The following ARL17A variants were observed in gnomAD, a reference collection of about 807,000 sequenced individuals.
ARL17A encodes ARF like GTPase 17A.
the ARL17A span, among the ~76,000 whole-genome samples, chr17:46,502,325 T>A: frequency 6.6e-6 from 1 of 151,198 alleles, no homozygotes. Flanking sequence ...TTTTTGTTTT[T>A]TCGAGGTGGA....
At chr17:46,501,635 CGGCCTTGTAGAAATCCTATTCCATGTTAA>C in the ARL17A span, among the ~76,000 whole-genome samples, 1 of 151,228 alleles carries the variant, frequency 6.6e-6, no homozygotes, top group South Asian at 2.1e-4. Flanking sequence ...ATTCTTTAAG[CGGCCTTGTAGAAATCCTATTCCATGTTAA>C]CATGCCAACC....
At chr17:46,537,155 A>T (rs1196112513) in intron 4 of ARL17A, among the ~76,000 whole-genome samples, 8 of 13,880 alleles carry the variant, frequency 5.8e-4, no homozygotes, top group East Asian at 4.2e-3. Context: ...GAATTTTTGG[A>T]TGTCTCTTTT....
At chr17:46,502,347 G>T in the ARL17A span, among the ~76,000 whole-genome samples, 4 of 151,154 alleles carry the variant, frequency 2.6e-5, no homozygotes, top group Admixed American at 2.6e-4. Context: ...TTTCACTCTT[G>T]TTCCCCAGGC....
chr17:46,541,121 C>T, intron 3 of ARL17A, among the ~76,000 whole-genome samples: 1 of 125,506 alleles, frequency 8.0e-6, no homozygotes, highest in Non-Finnish European at 1.6e-5. Context: ...GCAATCCCAT[C>T]CTCCCACCAT....
At chr17:46,543,895 T>G (rs2055881912) in intron 3 of ARL17A, among the ~76,000 whole-genome samples, 1 of 148,316 alleles carries the variant, frequency 6.7e-6, no homozygotes, top group Non-Finnish European at 1.5e-5. Flanking sequence ...AGAGAGAGGG[T>G]TGCTTGTGCC....
chr17:46,555,592 GC>G lies in ARL17A; in HGVS notation c.*1763del. On this transcript the variant is annotated 3_prime_UTR_variant, in exon 4 of 4. Coordinates refer to ENST00000336125, the MANE Select transcript of ARL17A (RefSeq NM_001113738.2). ...AGCCCTGCCATAGGAGGAGAACACA[GC>G]CCACCTCAGGCCTCCTGCAAAAATA... 1 of 858,844 alleles carries G rather than the reference GC, an allele frequency of 1.2e-6. No homozygotes were observed. 53.2% of individuals were successfully genotyped at this position (858,844 alleles called of 1,614,324 possible). A position where few individuals can be genotyped will look rare whatever the true frequency, so the allele number is the denominator to read the frequency against.
chr17:46,519,709 A>AAAATT (rs1177102639), intron 3 of ARL17A, among the ~76,000 whole-genome samples: 4 of 145,634 alleles, frequency 2.7e-5, no homozygotes, highest in South Asian at 2.2e-4. Flanking sequence ...CCCTGTCTCA[A>AAAATT]AAATTAAATT....
downstream of ARL17A, among the ~76,000 whole-genome samples, chr17:46,516,190 C>A (rs1421319729): frequency 6.7e-6 from 1 of 149,114 alleles, no homozygotes; most frequent in Non-Finnish European, 1.5e-5. Context: ...GGAGTCCCAG[C>A]TACTCGGGAG....
rs969717274 is a variant in ARL17A, at chr17:46,532,330, G to C, written c.336-3471C>G. Among the ~76,000 whole-genome samples the C allele has an allele frequency of 4.7e-5, 7 of 150,370 alleles. 1 individual carries two copies. The highest frequency in any genetic ancestry group is 1.5e-4 in the African/African-American group (6 of 39,940). On this transcript the variant is annotated intron_variant, in intron 4 of 4. Coordinates refer to the ARL17A transcript ENST00000329240. ...CGTTGAATTTGGTTTGCCAGATTTT[G>C]TCAAGCATTTTTCCATCTACATTCA...
At chr17:46,503,078 G>T in the ARL17A span, among the ~76,000 whole-genome samples, 2 of 150,632 alleles carry the variant, frequency 1.3e-5, no homozygotes, top group South Asian at 2.1e-4. Context: ...CGGCAGTGGT[G>T]GGGGGCGCCT....
downstream of ARL17A, chr17:46,548,949 C>T (rs1292775036): frequency 6.2e-7 from 1 of 1,612,436 alleles, no homozygotes; most frequent in Non-Finnish European, 8.5e-7. Context: ...AGGTGAGAGA[C>T]AGATGGAAAG....
intron 3 of ARL17A, among the ~76,000 whole-genome samples, chr17:46,543,663 A>G (rs948234140): frequency 2.0e-5 from 3 of 150,930 alleles, no homozygotes; most frequent in Non-Finnish European, 4.4e-5. Flanking sequence ...CAGAAAATGT[A>G]TAGACATACA....
At chr17:46,541,647 T>C (rs542273643) in intron 3 of ARL17A, among the ~76,000 whole-genome samples, 3 of 150,824 alleles carry the variant, frequency 2.0e-5, no homozygotes, top group East Asian at 1.9e-4. Flanking sequence ...TCCTCATCCA[T>C]AGATTCAACG....
chr17:46,516,311 A>T (rs2051306061), downstream of ARL17A, among the ~76,000 whole-genome samples: 1 of 79,230 alleles, frequency 1.3e-5, no homozygotes, highest in African/African-American at 3.9e-5. Flanking sequence ...TCAAAAAAAA[A>T]AATGATAGGA....
intron 2 of ARL17A, among the ~76,000 whole-genome samples, chr17:46,572,911 A>G: frequency 1.3e-5 from 1 of 76,286 alleles, no homozygotes; most frequent in Admixed American, 1.6e-4. Context: ...AGGAAGAGAG[A>G]GACAGAGAGA....
downstream of ARL17A, among the ~76,000 whole-genome samples, chr17:46,525,714 T>C (rs2052653494): frequency 8.8e-6 from 1 of 113,452 alleles, no homozygotes; most frequent in Non-Finnish European, 1.9e-5. Context: ...TGATAAAAAT[T>C]AATGAATTCA....
chr17:46,558,249 G>A (rs1424695749), intron 3 of ARL17A, among the ~76,000 whole-genome samples: 1 of 102,448 alleles, frequency 9.8e-6, no homozygotes, highest in Non-Finnish European at 1.9e-5. Flanking sequence ...TAGTAGAGAT[G>A]GGGTTTCACC....
downstream of ARL17A, chr17:46,548,938 C>G: frequency 6.2e-7 from 1 of 1,612,548 alleles, no homozygotes; most frequent in Non-Finnish European, 8.5e-7. Flanking sequence ...AGCCCTACCA[C>G]AGGTGAGAGA....
the ARL17A span, among the ~76,000 whole-genome samples, chr17:46,500,534 C>T: frequency 3.3e-4 from 50 of 149,728 alleles, 2 homozygotes; most frequent in Admixed American, 2.0e-3. Context: ...AGGACTGTTT[C>T]GAGGCAGCTT....
Sources: gnomAD v4.1 joint callset for allele counts (sites outside exome capture counted in the v4.1 genomes callset) on GRCh38, gnomAD v4.1.1 for gene constraint, MANE v1.5 for transcripts, NCBI Gene and HGNC (gene_info 2026-07-23, HGNC 2026-07-21) for gene names.